The following MCTP1 variants were observed in gnomAD, a reference collection of about 807,000 sequenced individuals.
The protein encoded by MCTP1 is multiple C2 and transmembrane domain-containing protein 1.
Under a neutral mutation model 120.6 loss-of-function variants are expected in MCTP1, and 69 were observed. That is an observed-to-expected ratio of 0.57 (90% CI 0.47 to 0.70). MCTP1 has a LOEUF of 0.70. Among genes scored for constraint, MCTP1 ranks in the 30% least tolerant of loss-of-function variants. MCTP1 has a pLI of 0.00. For synonymous variants in MCTP1, 529 were observed against 493.1 expected (o/e 1.07, Z -0.96); for missense variants, 1,203 against 1,248.8 (o/e 0.96, Z 0.55).
At chr5:94,863,499 G>A (rs529119170) in intron 17 of MCTP1, among the ~76,000 whole-genome samples, 1 of 151,772 alleles carries the variant, frequency 6.6e-6, no homozygotes, top group Non-Finnish European at 1.5e-5. Flanking sequence ...TATGTTCAAT[G>A]TAATTATCCT....
chr5:95,067,113 G>T (rs78362730), intron 1 of MCTP1, among the ~76,000 whole-genome samples: 1 of 150,288 alleles, frequency 6.7e-6, no homozygotes, highest in African/African-American at 2.5e-5. Context: ...GAGGAGAATA[G>T]TGGTTACCAG....
chr5:94,844,321 A>AAAAAAG (rs1791828415), intron 17 of MCTP1, among the ~76,000 whole-genome samples: 1 of 146,824 alleles, frequency 6.8e-6, no homozygotes, highest in African/African-American at 2.5e-5. Context: ...AAAAAAAAAA[A>AAAAAAG]GAAAAGAAAA....
chr5:95,147,301 T>C (rs1760482047), intron 1 of MCTP1, among the ~76,000 whole-genome samples: 1 of 152,160 alleles, frequency 6.6e-6, no homozygotes, highest in Non-Finnish European at 1.5e-5. Context: ...CTAGCCAGGA[T>C]GGTCTCGATC....
chr5:94,934,478 T>C (rs1043662543), intron 5 of MCTP1, among the ~76,000 whole-genome samples: 1 of 151,806 alleles, frequency 6.6e-6, no homozygotes, highest in Non-Finnish European at 1.5e-5. Context: ...AAATATGGCT[T>C]GTGATAGAGC....
chr5:95,213,373 C>A (rs1752636505), intron 1 of MCTP1, among the ~76,000 whole-genome samples: 1 of 152,174 alleles, frequency 6.6e-6, no homozygotes. Context: ...AGGATACAAA[C>A]AAATGGAAGA....
chr5:95,122,009 A>G (rs1758281839), intron 1 of MCTP1, among the ~76,000 whole-genome samples: 1 of 151,904 alleles, frequency 6.6e-6, no homozygotes, highest in Admixed American at 6.5e-5. Flanking sequence ...AAAATGAATT[A>G]AAAATTAAAT....
At chr5:95,242,018 GC>G (rs2152680718) in intron 1 of MCTP1, among the ~76,000 whole-genome samples, 1 of 152,166 alleles carries the variant, frequency 6.6e-6, no homozygotes, top group African/African-American at 2.4e-5. Flanking sequence ...GAATCAAAAC[GC>G]CTATGCAAAG....
chr5:95,179,749 C>T (rs1748401264), intron 1 of MCTP1, among the ~76,000 whole-genome samples: 2 of 152,272 alleles, frequency 1.3e-5, no homozygotes, highest in South Asian at 4.1e-4. Flanking sequence ...TCTCACAGGA[C>T]TTATGTAACA....
chr5:95,263,594 G>T (rs1159956958), intron 1 of MCTP1, among the ~76,000 whole-genome samples: 1 of 152,128 alleles, frequency 6.6e-6, no homozygotes, highest in Non-Finnish European at 1.5e-5. Flanking sequence ...AAGTATAAAT[G>T]GTCATTCCTG....
At chr5:95,037,083 G>T (rs1841467987) in intron 1 of MCTP1, among the ~76,000 whole-genome samples, 1 of 152,218 alleles carries the variant, frequency 6.6e-6, no homozygotes, top group Non-Finnish European at 1.5e-5. Flanking sequence ...GACAACAGGA[G>T]TTTCATGGCA....
intron 1 of MCTP1, among the ~76,000 whole-genome samples, chr5:95,149,144 T>A (rs1251745868): frequency 6.6e-6 from 1 of 152,242 alleles, no homozygotes. Flanking sequence ...GAGCCCCTTC[T>A]GATCACTGGC....
intron 17 of MCTP1, among the ~76,000 whole-genome samples, chr5:94,811,965 G>A (rs1783515159): frequency 6.6e-6 from 1 of 152,070 alleles, no homozygotes; most frequent in Non-Finnish European, 1.5e-5. Flanking sequence ...TGCCCATAAA[G>A]CCCTGTTTCT....
intron 18 of MCTP1, among the ~76,000 whole-genome samples, chr5:94,786,987 A>AT (rs1416837507): frequency 1.3e-5 from 2 of 152,210 alleles, no homozygotes; most frequent in African/African-American, 4.8e-5. Context: ...ATTCTGATTT[A>AT]TTAGAATTAG....
intron 19 of MCTP1, among the ~76,000 whole-genome samples, chr5:94,738,169 T>C (rs1208686107): frequency 1.3e-5 from 2 of 152,228 alleles, no homozygotes; most frequent in Non-Finnish European, 2.9e-5. Context: ...ATAACCCTCA[T>C]CTTCTAGTTA....
At chr5:94,796,637 A>G (rs1411654402) in intron 18 of MCTP1, among the ~76,000 whole-genome samples, 1 of 67,172 alleles carries the variant, frequency 1.5e-5, no homozygotes, top group East Asian at 3.7e-4. Flanking sequence ...TATATTATAT[A>G]TGTAATATAT....
chr5:95,076,495 A>G (rs574182071), intron 1 of MCTP1, among the ~76,000 whole-genome samples: 1 of 152,278 alleles, frequency 6.6e-6, no homozygotes, highest in Non-Finnish European at 1.5e-5. Flanking sequence ...AAATAGTTCA[A>G]AGACTGCTGG....
intron 17 of MCTP1, among the ~76,000 whole-genome samples, chr5:94,832,069 T>G (rs752717232): frequency 6.6e-6 from 1 of 152,214 alleles, no homozygotes; most frequent in South Asian, 2.1e-4. Context: ...ATTAGGGTAT[T>G]AAAAGATTTT....
intron 10 of MCTP1, among the ~76,000 whole-genome samples, chr5:94,895,488 C>A (rs760520692): frequency 1.3e-5 from 2 of 152,108 alleles, no homozygotes; most frequent in Non-Finnish European, 2.9e-5. Context: ...ACCCTGAAAA[C>A]GCTTTTCATA....
intron 11 of MCTP1, among the ~76,000 whole-genome samples, chr5:94,891,154 A>G (rs1359615822): frequency 6.6e-6 from 1 of 151,832 alleles, no homozygotes; most frequent in Admixed American, 6.5e-5. Context: ...CTAACTTTTT[A>G]TAAGAGTGTT....
Sources: gnomAD v4.1 joint callset for allele counts (sites outside exome capture counted in the v4.1 genomes callset) on GRCh38, gnomAD v4.1.1 for gene constraint, MANE v1.5 for transcripts, NCBI Gene and HGNC (gene_info 2026-07-23, HGNC 2026-07-21) for gene names.